Variants in NXNL2 observed in about 807,000 individuals in gnomAD.
The protein encoded by NXNL2 is nucleoredoxin-like protein 2.
In NXNL2, 7 loss-of-function variants were observed where a neutral mutation model predicts 11.1. The observed-to-expected ratio is 0.63, with a 90% CI of 0.36 to 1.18. The LOEUF is 1.18. Among genes scored for constraint, NXNL2 ranks in the 50% most tolerant of loss-of-function variants. NXNL2 has a pLI of 0.02. For synonymous variants in NXNL2, 109 were observed against 101.8 expected (o/e 1.07, Z -0.42); for missense variants, 233 against 217.7 (o/e 1.07, Z -0.44).
At chr9:88,560,864 G>GA (rs1169363292) in intron 1 of NXNL2, among the ~76,000 whole-genome samples, 5 of 152,162 alleles carry the variant, frequency 3.3e-5, no homozygotes, top group African/African-American at 1.2e-4. Context: ...CTGAGACCCA[G>GA]AATCTGACCC....
intron 1 of NXNL2, among the ~76,000 whole-genome samples, chr9:88,583,768 G>T (rs1229868720): frequency 2.6e-5 from 4 of 152,204 alleles, no homozygotes; most frequent in Non-Finnish European, 4.4e-5. Flanking sequence ...TCACAGGGTA[G>T]CCCTAATCTG....
chr9:88,559,893 C>G (rs528804034), intron 1 of NXNL2, among the ~76,000 whole-genome samples: 2 of 152,136 alleles, frequency 1.3e-5, no homozygotes, highest in Non-Finnish European at 2.9e-5. Flanking sequence ...GTCCTGAGAA[C>G]GTAAAAGGTT....
chr9:88,579,273 C>T (rs532407805), downstream of NXNL2, among the ~76,000 whole-genome samples: 4 of 152,290 alleles, frequency 2.6e-5, no homozygotes, highest in Non-Finnish European at 5.9e-5. Context: ...CTCTTGGTTG[C>T]GGGAGGCCCC....
At chr9:88,580,150 ATTCTT>A (rs1345323069), downstream of NXNL2, among the ~76,000 whole-genome samples, 11 of 145,950 alleles carry the variant, frequency 7.5e-5, no homozygotes, top group East Asian at 3.0e-3. Flanking sequence ...AAAAAAAAAA[ATTCTT>A]TTTTTTTTTT....
chr9:88,535,255 T>C lies in NXNL2; in HGVS notation c.-180T>C. On this transcript the variant is annotated 5_prime_UTR_variant, in exon 1 of 2. Transcript: ENST00000375854. Reference sequence around the variant, plus strand: ...TGTCTCATTGTCGGCGCGAACACAATTGCTCCAGCCACAGGCGAGGCCTGG... The same window carrying C: ...TGTCTCATTGTCGGCGCGAACACAACTGCTCCAGCCACAGGCGAGGCCTGG... 1.7e-6 allele frequency: 1 copy of C among 592,974 alleles called. No individual in the cohort carries two copies. The highest frequency in any genetic ancestry group is 2.9e-6 in the Non-Finnish European group (1 of 344,792). 36.7% of individuals were successfully genotyped at this position (592,974 alleles called of 1,614,324 possible). A position where few individuals can be genotyped will look rare whatever the true frequency, so the allele number is the denominator to read the frequency against.
intron 1 of NXNL2, chr9:88,583,970 G>A (rs1448913794): frequency 6.6e-6 from 1 of 152,192 alleles, no homozygotes; most frequent in Non-Finnish European, 1.5e-5. Flanking sequence ...TTATCTGTAA[G>A]CCACTCAGTC....
intron 1 of NXNL2, among the ~76,000 whole-genome samples, chr9:88,563,622 T>C (rs535456482): frequency 3.3e-5 from 5 of 152,290 alleles, no homozygotes; most frequent in Non-Finnish European, 7.4e-5. Flanking sequence ...AATTGGATCA[T>C]GTGGTGTTGC....
downstream of NXNL2, among the ~76,000 whole-genome samples, chr9:88,577,703 G>T (rs972164479): frequency 1.1e-4 from 16 of 152,110 alleles, no homozygotes; most frequent in African/African-American, 3.1e-4. Flanking sequence ...AGGATGCATC[G>T]TCATATTGAA....
chr9:88,556,939 G>C lies in NXNL2; in HGVS notation c.303-14148G>C, dbSNP rs149397454. On this transcript the variant is annotated intron_variant, in intron 1 of 2. Coordinates refer to the NXNL2 transcript ENST00000375855. ...AAAAAATGCAAAAAAAAATTAGCTG[G>C]TTGTGGTTGCAGACCCCTGTAGTCC... Among the ~76,000 whole-genome samples the C allele has an allele frequency of 7.2e-3, 1,102 of 152,016 alleles. 5 individuals are homozygous for C. The highest frequency in any genetic ancestry group is 9.8e-3 in the Non-Finnish European group (665 of 67,976).
At chr9:88,557,797 G>C (rs1830037269) in intron 1 of NXNL2, among the ~76,000 whole-genome samples, 1 of 152,194 alleles carries the variant, frequency 6.6e-6, no homozygotes, top group South Asian at 2.1e-4. Context: ...CTGCAGGTTA[G>C]ATAGAGCATA....
intron 1 of NXNL2, among the ~76,000 whole-genome samples, chr9:88,557,361 C>T (rs1264127233): frequency 6.6e-6 from 1 of 152,194 alleles, no homozygotes; most frequent in Non-Finnish European, 1.5e-5. Flanking sequence ...GGTGGCTTTC[C>T]TTTCATGCTG....
downstream of NXNL2, among the ~76,000 whole-genome samples, chr9:88,576,189 C>T (rs560202784): frequency 8.5e-5 from 13 of 152,282 alleles, no homozygotes; most frequent in South Asian, 2.1e-4. Flanking sequence ...AGCGAGACTC[C>T]GTCTCAAAAA....
downstream of NXNL2, among the ~76,000 whole-genome samples, chr9:88,577,797 C>T (rs188515756): frequency 2.6e-5 from 4 of 152,294 alleles, no homozygotes; most frequent in East Asian, 1.9e-4. Context: ...TAAGCCATAT[C>T]GGGATTTAGG....
At chr9:88,561,987 C>A (rs540487085) in intron 1 of NXNL2, among the ~76,000 whole-genome samples, 3 of 152,274 alleles carry the variant, frequency 2.0e-5, no homozygotes, top group Non-Finnish European at 2.9e-5. Context: ...AAAGACACGA[C>A]CAGGAATGTG....
intron 2 of NXNL2, among the ~76,000 whole-genome samples, chr9:88,571,922 G>T (rs1008416230): frequency 6.6e-6 from 1 of 152,126 alleles, no homozygotes; most frequent in African/African-American, 2.4e-5. Flanking sequence ...CCATCAGAGG[G>T]CACGCAGGGA....
At chr9:88,582,985 T>C (rs1830425372) in intron 1 of NXNL2, among the ~76,000 whole-genome samples, 2 of 152,180 alleles carry the variant, frequency 1.3e-5, no homozygotes, top group Admixed American at 1.3e-4. Context: ...ACCCCTTTTC[T>C]TTGGTTTACT....
intron 1 of NXNL2, among the ~76,000 whole-genome samples, chr9:88,557,080 CAAAA>C (rs150400954): frequency 0.077 from 4,283 of 55,452 alleles, 180 homozygotes; most frequent in African/African-American, 0.19. Flanking sequence ...GACTCCATCT[CAAAA>C]AAAAAAAAAA....
downstream of NXNL2, chr9:88,545,125 T>C (rs1375020150): frequency 1.3e-5 from 2 of 153,936 alleles, no homozygotes; most frequent in Non-Finnish European, 2.9e-5. Flanking sequence ...TTCTTCTCTT[T>C]GTTTTCTTTA....
chr9:88,540,543 A>G (rs930584577), intron 1 of NXNL2, among the ~76,000 whole-genome samples: 5 of 152,148 alleles, frequency 3.3e-5, no homozygotes, highest in African/African-American at 9.7e-5. Flanking sequence ...ATGAATTCAC[A>G]TCTGCTCTGT....
Sources: gnomAD v4.1 joint callset for allele counts (sites outside exome capture counted in the v4.1 genomes callset) on GRCh38, gnomAD v4.1.1 for gene constraint, MANE v1.5 for transcripts, NCBI Gene and HGNC (gene_info 2026-07-23, HGNC 2026-07-21) for gene names.